The following ZBED6 variants were observed in gnomAD, a reference collection of about 807,000 sequenced individuals.
ZBED6 encodes zinc finger BED-type containing 6, also known as zinc finger BED domain-containing protein 6.
ZBED6 carries 40 observed loss-of-function variants against 58.4 expected under a neutral mutation model. The observed-to-expected ratio is 0.68, with a 90% confidence interval of 0.53 to 0.89. ZBED6 has a LOEUF of 0.89. Ranked by LOEUF, ZBED6 falls within the 40% of genes least tolerant of loss-of-function variation. The probability of loss-of-function intolerance (pLI) is 0.00; values close to 1 mark genes in which losing one functional copy is unlikely to be tolerated. For synonymous variants in ZBED6, 439 were observed against 350.6 expected (o/e 1.25, Z -2.82); for missense variants, 1,057 against 1,003.9 (o/e 1.05, Z -0.71).
chr1:203,837,461 T>G (rs2103156511), intron 9 of ZBED6, among the ~76,000 whole-genome samples: 2 of 151,984 alleles, frequency 1.3e-5, no homozygotes, highest in South Asian at 4.2e-4. Context: ...TCTCTTTTTT[T>G]TTTTTTCTTG....
At chr1:203,830,864 G>A (rs547814721) in intron 7 of ZBED6, among the ~76,000 whole-genome samples, 12 of 148,162 alleles carry the variant, frequency 8.1e-5, no homozygotes, top group Non-Finnish European at 1.8e-4. Context: ...TTCCTCAAGA[G>A]CTGCTAGGAT....
At position 203,852,494 on chromosome 1, in the gene ZBED6, G is replaced by T. The variant is rs550009922; in HGVS notation, c.*5227G>T. On this transcript the variant is annotated 3_prime_UTR_variant, in exon 17 of 17. Coordinates refer to ENST00000550078, the Ensembl canonical transcript of ZBED6. ...TTTACCTGAGATGATCATTTCTTTA[G>T]TCTAGAATTTGCCCCAAATCAGAAG... The T allele has an allele frequency of 3.5e-6, 5 of 1,408,818 alleles. No individual in the cohort carries two copies. The African/African-American group carries it at 7.3e-5, about 21-fold the overall frequency. The allele number at this position is 1,408,818 out of a possible 1,614,324, so 87.3% of individuals were successfully genotyped here. A position where few individuals can be genotyped will look rare whatever the true frequency, so the allele number is the denominator to read the frequency against.
chr1:203,819,807 T>C (rs1019176510), intron 3 of ZBED6, among the ~76,000 whole-genome samples: 1 of 151,420 alleles, frequency 6.6e-6, no homozygotes, highest in Non-Finnish European at 1.5e-5. Context: ...GTGCTGGGAT[T>C]ACAGGCATGA....
chr1:203,847,337 C>A, exon 12 of ZBED6: 1 of 1,613,876 alleles, frequency 6.2e-7, no homozygotes, highest in Non-Finnish European at 8.5e-7. Flanking sequence ...AGAAGCTCCT[C>A]CACTATCCGT....
chr1:203,849,677 A>G (rs1688800307), intron 13 of ZBED6, 34 bp from the exon 14 acceptor site: 2 of 1,604,090 alleles, frequency 1.2e-6, no homozygotes, highest in Non-Finnish European at 1.7e-6. Context: ...TAGAGGTACC[A>G]GATTTTAATT....
chr1:203,841,602 ATTT>A (rs1020950524), intron 11 of ZBED6, among the ~76,000 whole-genome samples: 11 of 152,182 alleles, frequency 7.2e-5, no homozygotes, highest in Non-Finnish European at 1.3e-4. Flanking sequence ...TTTTCCCCAC[ATTT>A]CCCCGTTTTC....
chr1:203,842,719 A>C (rs560562323), intron 11 of ZBED6, among the ~76,000 whole-genome samples: 55 of 151,614 alleles, frequency 3.6e-4, no homozygotes, highest in African/African-American at 1.3e-3. Context: ...TTTTGTAAAG[A>C]TATAAACATA....
In ZBED6 at chr1:203,848,233, G is replaced by A. The variant is rs1426539621; in HGVS notation, c.*4246-98G>A. On this transcript the variant is annotated intron_variant, in intron 12 of 16. Transcript: ENST00000550078. ...CTTTATCTGTAATTTTATTTGTCCTGTCTTACTACTTTCATTAAATAAAGT... is the reference window on the plus strand; with the variant it reads ...CTTTATCTGTAATTTTATTTGTCCTATCTTACTACTTTCATTAAATAAAGT... The A allele has an allele frequency of 1.1e-5, 11 of 989,522 alleles. 1 individual carries two copies. In the East Asian group the frequency reaches 2.5e-4, roughly 22 times the overall value. The allele number at this position is 989,522 out of a possible 1,614,324, so 61.3% of individuals were successfully genotyped here.
exon 17 of ZBED6, chr1:203,852,333 T>A: frequency 1.2e-6 from 2 of 1,613,814 alleles, no homozygotes; most frequent in Non-Finnish European, 1.7e-6. Context: ...AAGCTGAGAT[T>A]GACCTGGATC....
intron 11 of ZBED6, among the ~76,000 whole-genome samples, chr1:203,844,369 A>G (rs1572336338): frequency 6.6e-6 from 1 of 151,954 alleles, no homozygotes; most frequent in South Asian, 2.1e-4. Flanking sequence ...CCTGTTGGCC[A>G]GGCTAGTCTC....
At chr1:203,838,042 C>T (rs201294571) in exon 10 of ZBED6, 1 of 1,614,150 alleles carries the variant, frequency 6.2e-7, no homozygotes, top group African/African-American at 1.3e-5. Context: ...CAGAAACTAA[C>T]ATTGACAAAA....
At chr1:203,796,253 G>T (rs1028894472) in exon 1 of ZBED6, 2 of 395,392 alleles carry the variant, frequency 5.1e-6, no homozygotes, top group Admixed American at 8.8e-5. Context: ...ATCAGACTGA[G>T]TGCCGGGCGC....
At chr1:203,845,845 A>C (rs1687745896) in intron 11 of ZBED6, among the ~76,000 whole-genome samples, 1 of 152,088 alleles carries the variant, frequency 6.6e-6, no homozygotes, top group African/African-American at 2.4e-5. Context: ...CAGCCTGGGC[A>C]ACAGAGCAAA....
intron 1 of ZBED6, among the ~76,000 whole-genome samples, chr1:203,808,358 A>G (rs1673089540): frequency 6.6e-6 from 1 of 152,128 alleles, no homozygotes; most frequent in African/African-American, 2.4e-5. Flanking sequence ...TTTTCCTGAA[A>G]GTTTGTATGA....
intron 2 of ZBED6, among the ~76,000 whole-genome samples, chr1:203,818,168 G>A (rs1235836861): frequency 6.6e-6 from 1 of 152,086 alleles, no homozygotes; most frequent in African/African-American, 2.4e-5. Flanking sequence ...ATGCAGTGGA[G>A]CACAGTTATA....
chr1:203,806,897 AC>A (rs1228547796), intron 1 of ZBED6, among the ~76,000 whole-genome samples: 2 of 131,230 alleles, frequency 1.5e-5, no homozygotes, highest in Non-Finnish European at 3.2e-5. Context: ...TCACTTTTTA[AC>A]CATTTTTTCT....
At chr1:203,832,885 A>G (rs1382070750) in intron 8 of ZBED6, among the ~76,000 whole-genome samples, 2 of 152,230 alleles carry the variant, frequency 1.3e-5, no homozygotes, top group Non-Finnish European at 2.9e-5. Context: ...TTTCAGCTTT[A>G]TAACCAATTG....
exon 1 of ZBED6, chr1:203,799,513 C>T (rs780635891): frequency 5.7e-6 from 4 of 703,008 alleles, no homozygotes; most frequent in South Asian, 4.4e-5. Flanking sequence ...CATTGCTACT[C>T]AGTTCACCAT....
At chr1:203,798,943 A>C in exon 1 of ZBED6, 1 of 1,536,150 alleles carries the variant, frequency 6.5e-7, no homozygotes. Flanking sequence ...ACTTTAGAGA[A>C]TGTTCAAAGC....
Sources: gnomAD v4.1 joint callset for allele counts (sites outside exome capture counted in the v4.1 genomes callset) on GRCh38, gnomAD v4.1.1 for gene constraint, MANE v1.5 for transcripts, NCBI Gene and HGNC (gene_info 2026-07-23, HGNC 2026-07-21) for gene names.